Variants in SPIC observed in about 807,000 individuals in gnomAD.
SPIC encodes the protein Spi-C transcription factor, also known as transcription factor Spi-C.
In SPIC, 9 loss-of-function variants were observed where a neutral mutation model predicts 16.7. The observed-to-expected ratio is 0.54, with a 90% confidence interval of 0.33 to 0.94. SPIC has a LOEUF of 0.94. Ranked by LOEUF, SPIC falls within the 40% of genes least tolerant of loss-of-function variation. The pLI is 0.03. For missense variants in SPIC, 241 were observed against 285.8 expected, an observed-to-expected ratio of 0.84 and a Z score of 1.13; for synonymous variants, 97 against 102.9, an observed-to-expected ratio of 0.94 and a Z score of 0.35.
chr12:101,486,424 G>A lies in SPIC; in HGVS notation c.400G>A (p.Asp134Asn). 1 of 1,614,122 alleles carries A rather than the reference G, an allele frequency of 6.2e-7. No homozygotes were observed. Among genetic ancestry groups the A allele is most frequent in the Non-Finnish European group, 8.5e-7 (1 of 1,180,038 alleles). ...GATGGCATCTTGTATTCAGTGGGTA[G>A]ATAAAACCAAAGGCATCTTTCAGTT... Reference protein sequence around the residue: ...PEMASCIQWVDKTKGIFQFVS... With the variant: ...PEMASCIQWVNKTKGIFQFVS... The change falls in exon 6 of 6, where the codon GAT (aspartate) becomes AAT (asparagine). Residue 134 changes from aspartate to asparagine, a missense_variant. Asp to Asn is a conservative substitution (Grantham distance 23). Transcript: ENST00000551346.
In SPIC at chr12:101,479,684, G is replaced by A; in HGVS notation, c.200G>A (p.Arg67Lys). Residue 67 changes from arginine to lysine, a missense_variant, in exon 4 of 6, where the codon AGA (arginine) becomes AAA (lysine). Physicochemically the swap from Arg to Lys is conservative, Grantham distance 26 (BLOSUM62 2). Transcript: ENST00000551346. ...LPTEEPVYNWRTVINSAADFY... is the reference protein window; with the variant it reads ...LPTEEPVYNWKTVINSAADFY... ...ACAGAGGAGCCTGTCTATAATTGGA[G>A]AACGGTAATTGTAAGTATCAGACCA... The A allele has an allele frequency of 6.2e-7, 1 of 1,611,930 alleles. No homozygotes were observed. Among genetic ancestry groups the A allele is most frequent in the Non-Finnish European group, 8.5e-7 (1 of 1,178,400 alleles).
intron 1 of SPIC, among the ~76,000 whole-genome samples, 152 bp from the exon 2 acceptor site, chr12:101,476,676 G>A (rs552154776): frequency 1.6e-4 from 25 of 152,028 alleles, no homozygotes; most frequent in African/African-American, 4.8e-4. Flanking sequence ...AGAAAATTTC[G>A]TAGAAAAAAA....
intron 3 of SPIC, among the ~76,000 whole-genome samples, chr12:101,479,224 G>GAAAGAA: frequency 1.2e-5 from 1 of 82,088 alleles, no homozygotes; most frequent in Non-Finnish European, 2.8e-5. Flanking sequence ...AAGAAAGAAG[G>GAAAGAA]AAAGAAAGAA....
At chr12:101,485,966 G>A (rs1873352267) in intron 5 of SPIC, among the ~76,000 whole-genome samples, 1 of 152,148 alleles carries the variant, frequency 6.6e-6, no homozygotes, top group African/African-American at 2.4e-5. Flanking sequence ...ACCCTGCCTG[G>A]CTAATTTTTG....
intron 3 of SPIC, 87 bp from the exon 4 acceptor site, chr12:101,479,495 T>TATATATATA (rs1278311252): frequency 1.0e-6 from 1 of 968,690 alleles, no homozygotes; most frequent in Non-Finnish European, 1.5e-6. Context: ...AGCAATTGCA[T>TATATATATA]CTATAAGTGC....
chr12:101,482,723 T>C (rs534125712), intron 4 of SPIC, 69 bp from the exon 5 acceptor site: 2 of 1,441,900 alleles, frequency 1.4e-6, no homozygotes, highest in South Asian at 2.6e-5. Context: ...CCCTAACTTT[T>C]GACTTCAGCC....
chr12:101,479,307 A>AAAAGAAAG (rs5800473), intron 3 of SPIC, among the ~76,000 whole-genome samples: 3,815 of 88,078 alleles, frequency 0.043, 233 homozygotes, highest in East Asian at 0.14. Context: ...AAAGAAAGAA[A>AAAAGAAAG]AAAGAAAGAA....
intron 3 of SPIC, among the ~76,000 whole-genome samples, chr12:101,479,342 A>T (rs1473209847): frequency 6.6e-6 from 1 of 150,694 alleles, no homozygotes; most frequent in Non-Finnish European, 1.5e-5. Flanking sequence ...AAAGAAAGAA[A>T]GAAAGAAAGA....
rs748560385 is a variant in SPIC, at chr12:101,486,618, C to T, written c.594C>T (p.Leu198=). 5 of 1,614,000 alleles carry T rather than the reference C, an allele frequency of 3.1e-6. No individual in the cohort carries two copies. The highest frequency in any genetic ancestry group is 4.2e-6 in the Non-Finnish European group (5 of 1,179,906). Residue 198 remains leucine (L), a synonymous_variant, in exon 6 of 6, where the codon CTC becomes CTT. Transcript: ENST00000551346. ...CTTACCAGTTCAGTGAGGCCATTCT[C>T]CAAAGACTCTCTCCATCCTATTTCC... ...KLTYQFSEAI[L]QRLSPSYFLG... is the part of the protein sequence containing the mutation.
At chr12:101,483,000 AAAT>A in intron 5 of SPIC, 100 bp downstream of exon 5, 1 of 1,040,348 alleles carries the variant, frequency 9.6e-7, no homozygotes, top group Non-Finnish European at 1.4e-6. Context: ...TGAATTTGCA[AAAT>A]ATTCTTTTAT....
At chr12:101,484,671 G>A (rs939550229) in intron 5 of SPIC, among the ~76,000 whole-genome samples, 2 of 150,538 alleles carry the variant, frequency 1.3e-5, no homozygotes, top group African/African-American at 4.9e-5. Flanking sequence ...GGCCAGGCAT[G>A]GTTAAAAAAA....
intron 3 of SPIC, among the ~76,000 whole-genome samples, chr12:101,479,269 A>AGAAG (rs1873092120): frequency 9.8e-6 from 1 of 101,544 alleles, no homozygotes; most frequent in Non-Finnish European, 1.9e-5. Flanking sequence ...AAGGAAAGAA[A>AGAAG]GAAAGAAAGA....
In SPIC at chr12:101,486,721, T is replaced by A; in HGVS notation, c.697T>A (p.Tyr233Asn). The part of the protein sequence containing the change: ...YLSLNNWNAN[Y>N]NYTYANYHEL... ...CAGTTTAAATAACTGGAATGCAAAT[T>A]ATAATTATACATATGCCAATTACCA... Residue 233 changes from tyrosine to asparagine, a missense_variant, in exon 6 of 6, where the codon TAT becomes AAT. Physicochemically the swap from Tyr to Asn is moderately radical, Grantham distance 143. Transcript: ENST00000551346. The A allele has an allele frequency of 6.2e-7, 1 of 1,603,508 alleles. No homozygotes were observed.
Position 101,486,412 on chromosome 12 carries a change from A to G in SPIC, c.388A>G (p.Ile130Val). 6.2e-7 allele frequency: 1 copy of G among 1,614,150 alleles called. No homozygotes were observed. The highest frequency in any genetic ancestry group is 1.1e-5 in the South Asian group (1 of 91,080). Residue 130 changes from isoleucine (I) to valine (V), a missense_variant, in exon 6 of 6, where the codon ATT becomes GTT. Coordinates refer to ENST00000551346, the MANE Select transcript of SPIC (RefSeq NM_152323.3). Reference protein sequence around the residue: ...SLYNPEMASCIQWVDKTKGIF... With the variant: ...SLYNPEMASCVQWVDKTKGIF... ...GTATAATCCGGAGATGGCATCTTGT[A>G]TTCAGTGGGTAGATAAAACCAAAGG...
chr12:101,482,067 A>C (rs2121257639), intron 4 of SPIC, among the ~76,000 whole-genome samples: 2 of 146,710 alleles, frequency 1.4e-5, no homozygotes, highest in South Asian at 2.2e-4. Flanking sequence ...ACATGGAGAA[A>C]CCCCATCTCT....
intron 4 of SPIC, among the ~76,000 whole-genome samples, chr12:101,481,599 T>C: frequency 6.7e-6 from 1 of 149,154 alleles, no homozygotes; most frequent in East Asian, 2.0e-4. Context: ...ATCCTCCGCC[T>C]CCCAGGTTCA....
At chr12:101,478,857 C>T (rs1873045366) in intron 3 of SPIC, among the ~76,000 whole-genome samples, 6 of 152,026 alleles carry the variant, frequency 3.9e-5, no homozygotes, top group Admixed American at 3.9e-4. Flanking sequence ...ATCATGTGGG[C>T]AGGGCATGGT....
intron 3 of SPIC, among the ~76,000 whole-genome samples, chr12:101,479,349 AAGAAAG>A (rs1873113758): frequency 1.3e-5 from 2 of 151,472 alleles, no homozygotes; most frequent in Non-Finnish European, 2.9e-5. Flanking sequence ...GAAAGAAAGA[AAGAAAG>A]AAATCATGCG....
At chr12:101,476,663 T>A (rs1322730993) in intron 1 of SPIC, among the ~76,000 whole-genome samples, 165 bp from the exon 2 acceptor site, 1 of 152,128 alleles carries the variant, frequency 6.6e-6, no homozygotes, top group Non-Finnish European at 1.5e-5. Flanking sequence ...AAGAAATGTT[T>A]GTAGAAAATT....
Sources: gnomAD v4.1 joint callset for allele counts (sites outside exome capture counted in the v4.1 genomes callset) on GRCh38, gnomAD v4.1.1 for gene constraint, MANE v1.5 for transcripts, NCBI Gene and HGNC (gene_info 2026-07-23, HGNC 2026-07-21) for gene names.